Variants in TRPM3 observed in about 807,000 individuals in gnomAD.
TRPM3 encodes the protein transient receptor potential cation channel subfamily M member 3.
TRPM3 carries 77 observed loss-of-function variants against 181.2 expected under a neutral mutation model. That is an observed-to-expected ratio of 0.42 (90% CI 0.35 to 0.51). TRPM3 has a LOEUF of 0.51. Among genes scored for constraint, TRPM3 ranks in the 20% least tolerant of loss-of-function variants. The pLI, the probability that TRPM3 is intolerant of heterozygous loss-of-function variation, is 0.01. For missense variants in TRPM3, 1,759 were observed against 2,196.7 expected (o/e 0.80, Z 3.98); for synonymous variants, 745 against 796.4 (o/e 0.94, Z 1.09).
chr9:71,440,768 T>C (rs1467644487), intron 1 of TRPM3, among the ~76,000 whole-genome samples: 3 of 151,954 alleles, frequency 2.0e-5, no homozygotes, highest in Non-Finnish European at 4.4e-5. Context: ...CTTTAAACGT[T>C]GTTCTCTATA....
At chr9:70,675,161 C>T (rs2063753348) in intron 9 of TRPM3, among the ~76,000 whole-genome samples, 1 of 152,068 alleles carries the variant, frequency 6.6e-6, no homozygotes, top group South Asian at 2.1e-4. Flanking sequence ...AGTGCAATGG[C>T]ATGATCTCGG....
intron 1 of TRPM3, among the ~76,000 whole-genome samples, chr9:71,244,997 C>T (rs1218758803): frequency 6.6e-6 from 1 of 152,096 alleles, no homozygotes; most frequent in Non-Finnish European, 1.5e-5. Context: ...GTGGGGAGGA[C>T]ATTTGGGGTT....
intron 22 of TRPM3, among the ~76,000 whole-genome samples, chr9:70,586,227 C>T (rs547130733): frequency 6.6e-6 from 1 of 152,282 alleles, no homozygotes; most frequent in African/African-American, 2.4e-5. Context: ...ACAAAGCCTC[C>T]GTCACATGTA....
At chr9:71,249,610 A>G (rs187719256) in intron 1 of TRPM3, among the ~76,000 whole-genome samples, 2 of 152,322 alleles carry the variant, frequency 1.3e-5, no homozygotes, top group East Asian at 1.9e-4. Context: ...AGAAGCCTAC[A>G]CAGCTGTTTC....
chr9:71,407,834 C>T (rs578121194), intron 1 of TRPM3, among the ~76,000 whole-genome samples: 20 of 152,334 alleles, frequency 1.3e-4, no homozygotes, highest in African/African-American at 4.6e-4. Context: ...TAGGGGCCAA[C>T]TGACACCTCA....
At chr9:71,325,786 G>T (rs113661392) in intron 1 of TRPM3, among the ~76,000 whole-genome samples, 2,357 of 151,990 alleles carry the variant, frequency 0.016, 25 homozygotes, top group Middle Eastern at 0.061. Flanking sequence ...AGTGACGAAG[G>T]CTCTGCCACA....
intron 1 of TRPM3, among the ~76,000 whole-genome samples, chr9:71,188,639 TCA>T (rs930476441): frequency 2.6e-5 from 4 of 151,956 alleles, no homozygotes; most frequent in South Asian, 2.1e-4. Flanking sequence ...TTCATGTCTC[TCA>T]ATTACCTACT....
chr9:71,047,810 T>TCTCACACA (rs1301276820), intron 1 of TRPM3, among the ~76,000 whole-genome samples: 42 of 141,622 alleles, frequency 3.0e-4, no homozygotes, highest in African/African-American at 1.1e-3. Context: ...ACTGGCTGCA[T>TCTCACACA]CACACACACA....
chr9:71,020,125 GAT>G, intron 1 of TRPM3, among the ~76,000 whole-genome samples: 1 of 151,552 alleles, frequency 6.6e-6, no homozygotes, highest in Middle Eastern at 3.2e-3. Flanking sequence ...GGGAGAGTAA[GAT>G]ATGTTTTAAA....
At chr9:70,591,253 A>G (rs1252510512) in intron 21 of TRPM3, 48 bp from the exon 22 acceptor site, 2 of 1,525,898 alleles carry the variant, frequency 1.3e-6, no homozygotes, top group East Asian at 2.3e-5. Context: ...AACCCATATG[A>G]TTGAGTGTTC....
intron 1 of TRPM3, among the ~76,000 whole-genome samples, chr9:70,961,299 T>C (rs71505916): frequency 0.14 from 9,428 of 69,158 alleles, 348 homozygotes; most frequent in South Asian, 0.18. Context: ...CATACAGCTC[T>C]GCAACACCTT....
At chr9:70,903,846 T>C (rs1030870963) in intron 1 of TRPM3, among the ~76,000 whole-genome samples, 28 of 152,316 alleles carry the variant, frequency 1.8e-4, no homozygotes, top group African/African-American at 6.7e-4. Flanking sequence ...AACAATCCAT[T>C]GTGTATCCTC....
At chr9:71,310,758 G>A (rs186292223) in intron 1 of TRPM3, among the ~76,000 whole-genome samples, 1 of 152,174 alleles carries the variant, frequency 6.6e-6, no homozygotes. Flanking sequence ...ACCTCGACAT[G>A]CTCTGGCTTC....
chr9:71,242,079 C>G (rs2131971136), intron 1 of TRPM3, among the ~76,000 whole-genome samples: 1 of 152,278 alleles, frequency 6.6e-6, no homozygotes, highest in South Asian at 2.1e-4. Context: ...CACTGCCCCT[C>G]AATAGTTTTA....
intron 17 of TRPM3, among the ~76,000 whole-genome samples, chr9:70,618,081 A>AT (rs561548133): frequency 6.6e-6 from 1 of 152,148 alleles, no homozygotes; most frequent in South Asian, 2.1e-4. Context: ...TCCATCTCCC[A>AT]TTTTTTTCTG....
At chr9:71,034,125 G>A (rs1403574379) in intron 1 of TRPM3, among the ~76,000 whole-genome samples, 1 of 152,076 alleles carries the variant, frequency 6.6e-6, no homozygotes, top group Non-Finnish European at 1.5e-5. Flanking sequence ...ACAACAAATC[G>A]ACATGGAACA....
intron 1 of TRPM3, among the ~76,000 whole-genome samples, chr9:71,013,439 C>T (rs1057094051): frequency 6.6e-6 from 1 of 151,404 alleles, no homozygotes; most frequent in Non-Finnish European, 1.5e-5. Context: ...ATTCTTATTT[C>T]GTGAGAATAC....
At chr9:70,615,329 C>G (rs2062618244) in intron 18 of TRPM3, among the ~76,000 whole-genome samples, 2 of 152,232 alleles carry the variant, frequency 1.3e-5, no homozygotes, top group South Asian at 4.1e-4. Context: ...TCACGCTGCT[C>G]AGGCGGGGGT....
Position 71,064,454 on chromosome 9 carries a change from TAGAG to T in TRPM3, c.177+56720_177+56723del, listed in dbSNP as rs1217723772. Among the ~76,000 whole-genome samples the T allele has an allele frequency of 3.3e-5, 5 of 151,698 alleles. No individual in the cohort carries two copies. In the East Asian group the frequency reaches 7.8e-4, roughly 24 times the overall value. ...TTTTTTTAGCCACAGTTTTACTTAA[TAGAG>T]AGTTTTCAGTAGACCAGTAGACTAT... On this transcript the variant is annotated intron_variant, in intron 1 of 25. Transcript: ENST00000677713.
Sources: gnomAD v4.1 joint callset for allele counts (sites outside exome capture counted in the v4.1 genomes callset) on GRCh38, gnomAD v4.1.1 for gene constraint, MANE v1.5 for transcripts, NCBI Gene and HGNC (gene_info 2026-07-23, HGNC 2026-07-21) for gene names.